The following SCMH1 variants were observed in gnomAD, a reference collection of about 807,000 sequenced individuals.
The protein encoded by SCMH1 is polycomb protein SCMH1.
In SCMH1, 37 loss-of-function variants were observed where a neutral mutation model predicts 70.8. The observed-to-expected ratio is 0.52, with a 90% CI of 0.40 to 0.69. The LOEUF is 0.69. Among genes scored for constraint, SCMH1 ranks in the 30% least tolerant of loss-of-function variants. SCMH1 has a pLI of 0.00. For missense variants in SCMH1, 607 were observed against 827.3 expected (o/e 0.73, Z 3.27); for synonymous variants, 292 against 307.4 (o/e 0.95, Z 0.52).
At chr1:41,136,773 CTTTTTTT>C (rs67410901) in intron 6 of SCMH1, among the ~76,000 whole-genome samples, 10,406 of 108,512 alleles carry the variant, frequency 0.096, 479 homozygotes, top group Admixed American at 0.15. Flanking sequence ...AAGGACAGTA[CTTTTTTT>C]TTTTTTTTTT....
At chr1:41,221,421 G>C (rs912315612) in intron 1 of SCMH1, among the ~76,000 whole-genome samples, 1 of 151,900 alleles carries the variant, frequency 6.6e-6, no homozygotes, top group Non-Finnish European at 1.5e-5. Context: ...GGGTGGCTGA[G>C]GTAAGAAGAT....
intron 1 of SCMH1, among the ~76,000 whole-genome samples, chr1:41,231,717 T>G (rs1336979567): frequency 6.6e-6 from 1 of 152,154 alleles, no homozygotes; most frequent in African/African-American, 2.4e-5. Context: ...TTTAACAGTT[T>G]TGTGGAGTAT....
chr1:41,028,336 T>C lies in SCMH1; in HGVS notation c.1822-17A>G. On this transcript the variant is annotated splice_polypyrimidine_tract_variant and intron_variant, in intron 14 of 14. Coordinates refer to ENST00000337495, the Ensembl canonical transcript of SCMH1. ...ATCGATCTCCTGGGGGGTGGGGAGG[T>C]GGGCAGAAGTGGAAGGGAGGCACCA... is the stretch of plus-strand genomic sequence containing the variant. The C allele has an allele frequency of 7.9e-7, 1 of 1,259,868 alleles. No homozygotes were observed. Among genetic ancestry groups the C allele is most frequent in the African/African-American group, 1.5e-5 (1 of 67,230 alleles). 78.0% of individuals were successfully genotyped at this position (1,259,868 alleles called of 1,614,324 possible).
At chr1:41,141,120 T>A (rs1443952739) in intron 6 of SCMH1, among the ~76,000 whole-genome samples, 1 of 152,232 alleles carries the variant, frequency 6.6e-6, no homozygotes, top group Non-Finnish European at 1.5e-5. Context: ...AAATAGTTGA[T>A]GAAAGTTTAT....
At chr1:41,184,718 CA>C (rs1649717859) in intron 2 of SCMH1, among the ~76,000 whole-genome samples, 1 of 151,990 alleles carries the variant, frequency 6.6e-6, no homozygotes, top group African/African-American at 2.4e-5. Flanking sequence ...CTAAAATGTA[CA>C]AGCAGAAAGG....
intron 8 of SCMH1, among the ~76,000 whole-genome samples, chr1:41,088,552 C>T (rs1010710845): frequency 2.6e-5 from 4 of 152,098 alleles, no homozygotes; most frequent in Non-Finnish European, 5.9e-5. Flanking sequence ...GTTGCAGCCT[C>T]GGACTCCTAG....
intron 8 of SCMH1, among the ~76,000 whole-genome samples, chr1:41,094,301 GT>G (rs1164407104): frequency 6.6e-6 from 1 of 152,170 alleles, no homozygotes; most frequent in African/African-American, 2.4e-5. Flanking sequence ...TATTACTATA[GT>G]TGGTGCCTTG....
chr1:41,163,998 A>G (rs1201323561), intron 2 of SCMH1, among the ~76,000 whole-genome samples: 1 of 152,174 alleles, frequency 6.6e-6, no homozygotes, highest in Non-Finnish European at 1.5e-5. Context: ...TCCTTGGTTG[A>G]AAATTTAGAT....
At chr1:41,104,131 C>T (rs1367786829) in intron 8 of SCMH1, among the ~76,000 whole-genome samples, 7 of 152,188 alleles carry the variant, frequency 4.6e-5, no homozygotes, top group Non-Finnish European at 8.8e-5. Context: ...GCATCTACTA[C>T]GTGCTACATG....
chr1:41,159,917 TA>T (rs1645877263), intron 4 of SCMH1: 1 of 901,558 alleles, frequency 1.1e-6, no homozygotes, highest in Admixed American at 4.1e-5. Flanking sequence ...TTAGCTCATG[TA>T]ATCTTCTTTA....
At chr1:41,039,712 G>C (rs1444185267) in intron 12 of SCMH1, among the ~76,000 whole-genome samples, 3 of 151,604 alleles carry the variant, frequency 2.0e-5, no homozygotes, top group African/African-American at 7.3e-5. Flanking sequence ...GGCTTCAAGT[G>C]ATCTGCCCAC....
At chr1:41,115,576 T>A (rs2147883217) in intron 7 of SCMH1, among the ~76,000 whole-genome samples, 1 of 152,332 alleles carries the variant, frequency 6.6e-6, no homozygotes, top group East Asian at 1.9e-4. Flanking sequence ...TAGCTGCGAC[T>A]ACAGGCACGT....
At chr1:41,169,022 A>G (rs1467706458) in intron 2 of SCMH1, among the ~76,000 whole-genome samples, 2 of 152,190 alleles carry the variant, frequency 1.3e-5, no homozygotes, top group African/African-American at 4.8e-5. Context: ...GCTAAGGAGA[A>G]GATCTGTGGC....
intron 1 of SCMH1, among the ~76,000 whole-genome samples, chr1:41,208,708 C>T (rs1397422870): frequency 1.3e-5 from 2 of 152,142 alleles, no homozygotes; most frequent in African/African-American, 2.4e-5. Flanking sequence ...ATACCAGAAT[C>T]TCAGGGACAC....
intron 5 of SCMH1, among the ~76,000 whole-genome samples, chr1:41,150,419 C>T (rs1008118303): frequency 1.3e-5 from 2 of 150,536 alleles, no homozygotes; most frequent in Admixed American, 6.6e-5. Flanking sequence ...AGGAGAATCA[C>T]CTGAAGCCGG....
intron 1 of SCMH1, among the ~76,000 whole-genome samples, chr1:41,230,696 T>C (rs1425678627): frequency 6.6e-6 from 1 of 151,820 alleles, no homozygotes; most frequent in Non-Finnish European, 1.5e-5. Flanking sequence ...GATTCTCAGA[T>C]TTTAGGCCTG....
intron 6 of SCMH1, among the ~76,000 whole-genome samples, chr1:41,130,371 A>C: frequency 6.6e-6 from 1 of 152,020 alleles, no homozygotes; most frequent in Middle Eastern, 3.2e-3. Flanking sequence ...GATGCACAAA[A>C]GTTTTGAATT....
At chr1:41,218,042 C>T (rs1032236452) in intron 1 of SCMH1, among the ~76,000 whole-genome samples, 9 of 152,146 alleles carry the variant, frequency 5.9e-5, no homozygotes, top group African/African-American at 1.7e-4. Flanking sequence ...TCAGGAAGGA[C>T]TATACCCAGA....
chr1:41,076,552 G>T (rs10889828), intron 8 of SCMH1, among the ~76,000 whole-genome samples: 3 of 152,034 alleles, frequency 2.0e-5, no homozygotes, highest in Admixed American at 1.3e-4. Flanking sequence ...CACAATATAC[G>T]GTATAATGTC....
Sources: allele counts gnomAD v4.1 joint callset (sites outside exome capture counted in the v4.1 genomes callset), GRCh38; gene constraint gnomAD v4.1.1; transcripts MANE v1.5; gene names NCBI Gene and HGNC (gene_info 2026-07-23, HGNC 2026-07-21).